Variants in DCDC2C observed in about 807,000 individuals in gnomAD.
DCDC2C encodes doublecortin domain-containing protein 2C.
Under a neutral mutation model 45.0 loss-of-function variants are expected in DCDC2C, and 44 were observed. The observed-to-expected ratio is 0.98, with a 90% CI of 0.77 to 1.26. The LOEUF is 1.26. Ranked by LOEUF, DCDC2C falls within the 50% of genes most tolerant of loss-of-function variation. The pLI, the probability that DCDC2C is intolerant of heterozygous loss-of-function variation, is 0.00. For synonymous variants in DCDC2C, 187 were observed against 178.8 expected (o/e 1.05, Z -0.37); for missense variants, 447 against 468.9 (o/e 0.95, Z 0.43).
rs1396976372 is a variant in DCDC2C, at chr2:3,748,406, G to T, written c.546-4357G>T. ...TGGTGGGGGAGGTGATGCGGGAGGG[G>T]AGAGGAGGGAGAAAGAGAGGAAGAC... is the stretch of plus-strand genomic sequence containing the variant. On this transcript the variant is annotated intron_variant, in intron 4 of 10. Coordinates refer to ENST00000399143, the MANE Select transcript of DCDC2C (RefSeq NM_001287444.2). Among the ~76,000 whole-genome samples, 3 of 151,180 alleles carry T rather than the reference G, an allele frequency of 2.0e-5. No homozygotes were observed. In the East Asian group the frequency reaches 5.9e-4, roughly 30 times the overall value.
intron 4 of DCDC2C, among the ~76,000 whole-genome samples, chr2:3,750,772 C>T (rs1669521713): frequency 6.6e-6 from 1 of 152,156 alleles, no homozygotes; most frequent in African/African-American, 2.4e-5. Context: ...TCCTCAATTC[C>T]AGGAAATTAA....
intron 2 of DCDC2C, among the ~76,000 whole-genome samples, chr2:3,713,263 A>G (rs918547938): frequency 6.6e-6 from 1 of 152,164 alleles, no homozygotes; most frequent in African/African-American, 2.4e-5. Flanking sequence ...CAGAAGGAGA[A>G]CCCTGGTGTG....
chr2:3,837,368 GAAA>G (rs1672108019), intron 10 of DCDC2C, among the ~76,000 whole-genome samples: 1 of 152,192 alleles, frequency 6.6e-6, no homozygotes, highest in Non-Finnish European at 1.5e-5. Context: ...GTTTCCTGTA[GAAA>G]GATGAGCATG....
At chr2:3,762,316 G>A (rs1276335836) in intron 6 of DCDC2C, among the ~76,000 whole-genome samples, 1 of 152,166 alleles carries the variant, frequency 6.6e-6, no homozygotes, top group African/African-American at 2.4e-5. Flanking sequence ...CAAGGCATGT[G>A]GCTGTGGAAC....
chr2:3,839,082 C>A (rs1255971441), intron 10 of DCDC2C, among the ~76,000 whole-genome samples: 1 of 152,102 alleles, frequency 6.6e-6, no homozygotes, highest in Non-Finnish European at 1.5e-5. Flanking sequence ...TCTAGGGCCA[C>A]AGGGGGACAG....
At chr2:3,813,063 ATATATTTTTTT>A (rs1317251698) in intron 10 of DCDC2C, among the ~76,000 whole-genome samples, 5 of 16,790 alleles carry the variant, frequency 3.0e-4, no homozygotes, top group African/African-American at 1.2e-3. Context: ...ATATATATAT[ATATATTTTTTT>A]TTTTTTGCTG....
At chr2:3,706,910 A>T (rs1668077741) in intron 1 of DCDC2C, among the ~76,000 whole-genome samples, 1 of 152,232 alleles carries the variant, frequency 6.6e-6, no homozygotes, top group African/African-American at 2.4e-5. Flanking sequence ...TGGTTTCCTC[A>T]TCCATAAAGC....
chr2:3,753,692 C>G (rs964368672), intron 5 of DCDC2C, among the ~76,000 whole-genome samples: 1 of 152,138 alleles, frequency 6.6e-6, no homozygotes, highest in African/African-American at 2.4e-5. Flanking sequence ...TTTGTGGTAC[C>G]AGATGTGACA....
intron 3 of DCDC2C, among the ~76,000 whole-genome samples, chr2:3,741,501 G>A (rs764023923): frequency 1.6e-4 from 25 of 152,000 alleles, no homozygotes; most frequent in African/African-American, 4.6e-4. Context: ...GAGCCTGCCC[G>A]TCTGTATGCC....
At chr2:3,779,664 A>C (rs900175167) in intron 9 of DCDC2C, among the ~76,000 whole-genome samples, 1 of 152,160 alleles carries the variant, frequency 6.6e-6, no homozygotes, top group Admixed American at 6.5e-5. Flanking sequence ...TGATCATCGC[A>C]CAGGAGGCTG....
rs1439519725 is a variant in DCDC2C at position 3,730,575 on chromosome 2, G to GC, written c.416+3501dup. On this transcript the variant is annotated intron_variant, in intron 3 of 10. Coordinates refer to ENST00000399143, the MANE Select transcript of DCDC2C (RefSeq NM_001287444.2). ...CCCCTGCTTCTAGTGAGCAAAGGCA[G>GC]CCCCCGCCCCCCGAGCTTCCACAGC... Among the ~76,000 whole-genome samples, 4 of 152,124 alleles carry GC rather than the reference G, an allele frequency of 2.6e-5. No homozygotes were observed. The South Asian group carries it at 8.3e-4, about 32-fold the overall frequency.
rs546448864 is a variant in DCDC2C at position 3,732,102 on chromosome 2, G to A, written c.416+5023G>A. ...AGGGAAGCGCAGGCAGATCGAGATG[G>A]AGGGAAACAGGGAGGGCCCAGTGGA... On this transcript the variant is annotated intron_variant, in intron 3 of 10. Transcript: ENST00000399143. Among the ~76,000 whole-genome samples the A allele has an allele frequency of 2.6e-3, 390 of 152,294 alleles. 1 individual carries two copies. The highest frequency in any genetic ancestry group is 4.5e-3 in the Non-Finnish European group (309 of 68,030).
At chr2:3,801,321 G>A (rs540691926) in intron 10 of DCDC2C, among the ~76,000 whole-genome samples, 3 of 152,168 alleles carry the variant, frequency 2.0e-5, no homozygotes, top group Non-Finnish European at 2.9e-5. Flanking sequence ...GTCCCAGGCC[G>A]TGGCCTTCCT....
intron 6 of DCDC2C, among the ~76,000 whole-genome samples, chr2:3,755,951 G>A (rs1159824948): frequency 1.3e-5 from 2 of 152,010 alleles, no homozygotes; most frequent in East Asian, 3.9e-4. Context: ...CACGTGTATA[G>A]AGGCATATGT....
chr2:3,839,548 C>G (rs1248222772), intron 10 of DCDC2C, among the ~76,000 whole-genome samples: 2 of 152,088 alleles, frequency 1.3e-5, no homozygotes, highest in Non-Finnish European at 2.9e-5. Flanking sequence ...CAGCTGTTAT[C>G]GTTAAGTCTG....
intron 2 of DCDC2C, among the ~76,000 whole-genome samples, chr2:3,722,464 T>C (rs567881297): frequency 1.4e-4 from 21 of 152,310 alleles, no homozygotes; most frequent in Admixed American, 1.2e-3. Flanking sequence ...TGATCCATGG[T>C]GGGTATTCAA....
intron 3 of DCDC2C, among the ~76,000 whole-genome samples, chr2:3,738,389 A>G (rs1276568072): frequency 6.6e-6 from 1 of 152,082 alleles, no homozygotes; most frequent in Non-Finnish European, 1.5e-5. Context: ...TCTCTATCAG[A>G]TTGCAAGTTT....
At chr2:3,727,343 G>A (rs565176015) in intron 3 of DCDC2C, among the ~76,000 whole-genome samples, 6 of 152,092 alleles carry the variant, frequency 3.9e-5, no homozygotes, top group South Asian at 2.1e-4. Context: ...TCACCATGCC[G>A]TTGTTTGCAG....
chr2:3,704,062 G>A (rs1340094321), intron 1 of DCDC2C, 24 bp downstream of exon 1: 2 of 1,243,334 alleles, frequency 1.6e-6, no homozygotes, highest in African/African-American at 1.6e-5. Flanking sequence ...CGCCCCCCAC[G>A]CGCCCTGCGC....
Sources: gnomAD v4.1 joint callset for allele counts (sites outside exome capture counted in the v4.1 genomes callset) on GRCh38, gnomAD v4.1.1 for gene constraint, MANE v1.5 for transcripts, NCBI Gene and HGNC (gene_info 2026-07-23, HGNC 2026-07-21) for gene names.